Variants in PREX1 observed in about 807,000 individuals in gnomAD.
PREX1 encodes the protein phosphatidylinositol 3,4,5-trisphosphate-dependent Rac exchanger 1 protein.
In PREX1, 41 loss-of-function variants were observed where a neutral mutation model predicts 198.3. The observed-to-expected ratio is 0.21, with a 90% confidence interval of 0.16 to 0.27. The LOEUF (loss-of-function observed/expected upper bound fraction) is 0.27. Among genes scored for constraint, PREX1 ranks in the 10% least tolerant of loss-of-function variants. The probability of loss-of-function intolerance (pLI) is 1.00; values close to 1 mark genes in which losing one functional copy is unlikely to be tolerated. For missense variants in PREX1, 1,620 were observed against 2,200.7 expected, an observed-to-expected ratio of 0.74 and a Z score of 5.28; for synonymous variants, 843 against 887.2, an observed-to-expected ratio of 0.95 and a Z score of 0.89.
the PREX1 span, among the ~76,000 whole-genome samples, chr20:48,840,326 T>C: frequency 7.0e-6 from 1 of 143,356 alleles, no homozygotes; most frequent in African/African-American, 2.6e-5. Flanking sequence ...CGACGGCAAG[T>C]ATTAACCTTA....
chr20:48,878,433 TG>T, the PREX1 span, among the ~76,000 whole-genome samples: 1 of 151,876 alleles, frequency 6.6e-6, no homozygotes, highest in Admixed American at 6.6e-5. Context: ...TCCACCTCCC[TG>T]GTTCAAACGA....
At chr20:48,698,090 C>T (rs79790463) in intron 7 of PREX1, among the ~76,000 whole-genome samples, 7,377 of 152,332 alleles carry the variant, frequency 0.048, 233 homozygotes, top group Non-Finnish European at 0.071. Context: ...GGCAGGAATG[C>T]TGGCCGCCTG....
intron 18 of PREX1, 122 bp from the exon 19 acceptor site, chr20:48,655,497 T>C (rs2089535970): frequency 1.3e-6 from 1 of 792,344 alleles, no homozygotes; most frequent in Non-Finnish European, 1.9e-6. Context: ...CAGCCCAAAA[T>C]AGTAGTAGCA....
rs73911604 is a variant in PREX1, at chr20:48,634,416, T to C, written c.4267+260A>G. Reference sequence around the variant, plus strand: ...TCTAGGGAATAATTTTATTAAGAATTGGGTACCAGTGTCATTCTCTTTTAA... The same window carrying C: ...TCTAGGGAATAATTTTATTAAGAATCGGGTACCAGTGTCATTCTCTTTTAA... On this transcript the variant is annotated intron_variant, in intron 33 of 39. Coordinates refer to ENST00000371941, the MANE Select transcript of PREX1 (RefSeq NM_020820.4). Among the ~76,000 whole-genome samples, 1,177 of 152,322 alleles carry C rather than the reference T, an allele frequency of 7.7e-3. 11 individuals are homozygous for C. The highest frequency in any genetic ancestry group is 0.027 in the African/African-American group (1,124 of 41,574).
At chr20:48,754,697 G>A (rs575450443) in intron 1 of PREX1, among the ~76,000 whole-genome samples, 3 of 135,978 alleles carry the variant, frequency 2.2e-5, no homozygotes, top group Admixed American at 1.5e-4. Flanking sequence ...AAAGGGAAGC[G>A]ATGAGTGGGG....
At chr20:48,838,993 CAAAAAAAAAAA>C in the PREX1 span, among the ~76,000 whole-genome samples, 3 of 23,038 alleles carry the variant, frequency 1.3e-4, no homozygotes, top group Non-Finnish European at 1.8e-4. Flanking sequence ...GACTCTGTCT[CAAAAAAAAAAA>C]AAAAAAAAAA....
At chr20:48,828,186 G>C (rs2090520499), upstream of PREX1, among the ~76,000 whole-genome samples, 1 of 150,828 alleles carries the variant, frequency 6.6e-6, no homozygotes, top group Non-Finnish European at 1.5e-5. Flanking sequence ...CTGGGGACGC[G>C]GCGCGGCGCT....
intron 30 of PREX1, among the ~76,000 whole-genome samples, chr20:48,637,979 G>A (rs1176782441): frequency 6.6e-6 from 1 of 152,158 alleles, no homozygotes; most frequent in Non-Finnish European, 1.5e-5. Context: ...CCATCTGTAC[G>A]TGCAAGCCTG....
intron 1 of PREX1, among the ~76,000 whole-genome samples, chr20:48,784,701 G>C (rs756183189): frequency 6.6e-6 from 1 of 152,112 alleles, no homozygotes; most frequent in Non-Finnish European, 1.5e-5. Context: ...GAAGAGAAAG[G>C]CAAGTGGGCG....
chr20:48,871,124 C>A, the PREX1 span, among the ~76,000 whole-genome samples: 1 of 2,256 alleles, frequency 4.4e-4, no homozygotes, highest in Non-Finnish European at 7.5e-4. Flanking sequence ...GTTTTCTTAA[C>A]TATAATATGG....
chr20:48,830,315 A>G (rs529763564), upstream of PREX1, among the ~76,000 whole-genome samples: 1 of 152,316 alleles, frequency 6.6e-6, no homozygotes, highest in East Asian at 1.9e-4. Context: ...GTAAGCTGTG[A>G]TCACACCACT....
intron 7 of PREX1, among the ~76,000 whole-genome samples, chr20:48,695,646 G>A (rs923745560): frequency 6.6e-5 from 10 of 152,174 alleles, no homozygotes; most frequent in African/African-American, 2.4e-4. Context: ...TATTTAATTT[G>A]TAGTTCCCTG....
chr20:48,633,869 C>A (rs936291217), intron 33 of PREX1, among the ~76,000 whole-genome samples: 3 of 152,216 alleles, frequency 2.0e-5, no homozygotes, highest in Non-Finnish European at 2.9e-5. Flanking sequence ...AGACTATGAG[C>A]TCCAGGAGGG....
chr20:48,810,380 C>G (rs2090428570), intron 1 of PREX1, among the ~76,000 whole-genome samples: 1 of 151,140 alleles, frequency 6.6e-6, no homozygotes, highest in African/African-American at 2.4e-5. Flanking sequence ...TCCAGGAGTT[C>G]AAGACCAGCC....
chr20:48,873,495 G>T, the PREX1 span, among the ~76,000 whole-genome samples: 2 of 150,606 alleles, frequency 1.3e-5, no homozygotes, highest in Non-Finnish European at 1.5e-5. Flanking sequence ...GGTCACCTGA[G>T]GTCAGGAGTT....
intron 29 of PREX1, 65 bp from the exon 30 acceptor site, chr20:48,639,959 CA>C: frequency 6.4e-7 from 1 of 1,560,382 alleles, no homozygotes; most frequent in Non-Finnish European, 8.8e-7. Flanking sequence ...AACGGTGGCA[CA>C]AAGGCCTATG....
chr20:48,739,083 C>T (rs1301252605), intron 3 of PREX1, among the ~76,000 whole-genome samples: 2 of 152,198 alleles, frequency 1.3e-5, no homozygotes, highest in Non-Finnish European at 2.9e-5. Context: ...CACCTCGGCA[C>T]GCAAAGCCCT....
chr20:48,802,684 G>A (rs1208382909), intron 1 of PREX1, among the ~76,000 whole-genome samples: 1 of 152,222 alleles, frequency 6.6e-6, no homozygotes, highest in Non-Finnish European at 1.5e-5. Flanking sequence ...AGCAGGGATT[G>A]TATCTGTTTT....
chr20:48,815,100 G>A (rs866385256), intron 1 of PREX1, among the ~76,000 whole-genome samples: 1 of 152,188 alleles, frequency 6.6e-6, no homozygotes, highest in South Asian at 2.1e-4. Context: ...AATCATAAAT[G>A]TGTATTTCCA....
Sources: allele counts gnomAD v4.1 joint callset (sites outside exome capture counted in the v4.1 genomes callset), GRCh38; gene constraint gnomAD v4.1.1; transcripts MANE v1.5; gene names NCBI Gene and HGNC (gene_info 2026-07-23, HGNC 2026-07-21).